ASIC2: variants seen among roughly 807,000 people sequenced by gnomAD.
ASIC2 encodes the protein acid sensing ion channel subunit 2, also known as acid-sensing ion channel 2.
Under a neutral mutation model 57.3 loss-of-function variants are expected in ASIC2, and 25 were observed. That is an observed-to-expected ratio of 0.44 (90% CI 0.32 to 0.61). The LOEUF is 0.61. Ranked by LOEUF, ASIC2 falls within the 20% of genes least tolerant of loss-of-function variation. The pLI is 0.06. For synonymous variants in ASIC2, 319 were observed against 307.5 expected (o/e 1.04, Z -0.39); for missense variants, 641 against 738.1 (o/e 0.87, Z 1.52).
chr17:33,529,158 A>AT (rs1416527800), intron 1 of ASIC2, among the ~76,000 whole-genome samples: 2 of 152,210 alleles, frequency 1.3e-5, no homozygotes, highest in Non-Finnish European at 2.9e-5. Flanking sequence ...TTTGGACTAA[A>AT]TTTTTAAGAC....
At chr17:33,869,864 T>A (rs192111296) in intron 1 of ASIC2, among the ~76,000 whole-genome samples, 255 of 152,368 alleles carry the variant, frequency 1.7e-3, no homozygotes, top group African/African-American at 5.9e-3. Flanking sequence ...CATTGCACTG[T>A]GCACTTTAAA....
At chr17:33,864,994 G>A (rs11870665) in intron 1 of ASIC2, among the ~76,000 whole-genome samples, 4,447 of 151,802 alleles carry the variant, frequency 0.029, 200 homozygotes, top group African/African-American at 0.1. Context: ...AGGGTGGGGG[G>A]TTGAGGGGAG....
At chr17:33,353,810 A>C (rs1235522912) in intron 1 of ASIC2, among the ~76,000 whole-genome samples, 2 of 152,096 alleles carry the variant, frequency 1.3e-5, no homozygotes, top group Admixed American at 6.5e-5. Flanking sequence ...TTCATCTTTA[A>C]ATACATGTTC....
At chr17:33,206,023 T>C (rs1397034954) in intron 1 of ASIC2, among the ~76,000 whole-genome samples, 1 of 152,174 alleles carries the variant, frequency 6.6e-6, no homozygotes, top group Non-Finnish European at 1.5e-5. Flanking sequence ...AGGGTCAGGA[T>C]GGGAGATGAG....
chr17:33,336,566 CCT>C (rs1907521013), intron 1 of ASIC2, among the ~76,000 whole-genome samples: 1 of 152,140 alleles, frequency 6.6e-6, no homozygotes, highest in Non-Finnish European at 1.5e-5. Flanking sequence ...TCCCCAGTCC[CCT>C]GTTGATCCTC....
At chr17:33,937,775 T>C (rs1916099881) in intron 1 of ASIC2, among the ~76,000 whole-genome samples, 1 of 152,218 alleles carries the variant, frequency 6.6e-6, no homozygotes. Context: ...GATATTTAAT[T>C]CATTGAGAGT....
intron 3 of ASIC2, among the ~76,000 whole-genome samples, chr17:33,063,021 C>G (rs1355961882): frequency 6.6e-6 from 1 of 152,156 alleles, no homozygotes; most frequent in Non-Finnish European, 1.5e-5. Flanking sequence ...CTTGGCAGAT[C>G]TTTCTCCATC....
At chr17:33,507,089 T>G (rs1455260608) in intron 1 of ASIC2, among the ~76,000 whole-genome samples, 1 of 152,204 alleles carries the variant, frequency 6.6e-6, no homozygotes, top group Admixed American at 6.5e-5. Flanking sequence ...CGGCACATCC[T>G]CTTCTGCCAC....
In ASIC2 at chr17:33,756,057, C is replaced by G. The variant is rs181067937; in HGVS notation, c.555+399921G>C. On this transcript the variant is annotated intron_variant, in intron 1 of 9. Transcript: ENST00000359872. ...AGCCGGCAGCTCTGCTTCCCGTTTTCCCTGTAATTGAACATTGCACCCCAA... is the reference window on the plus strand; with the variant it reads ...AGCCGGCAGCTCTGCTTCCCGTTTTGCCTGTAATTGAACATTGCACCCCAA... Among the ~76,000 whole-genome samples the G allele has an allele frequency of 3.9e-5, 6 of 152,346 alleles. No individual in the cohort carries two copies. In the East Asian group the frequency reaches 1.2e-3, roughly 29 times the overall value.
intron 1 of ASIC2, among the ~76,000 whole-genome samples, chr17:33,475,493 T>A (rs1913190551): frequency 6.6e-6 from 1 of 152,200 alleles, no homozygotes; most frequent in Non-Finnish European, 1.5e-5. Flanking sequence ...AAATCTTGCT[T>A]TTTGCACTCA....
chr17:33,637,693 C>T, intron 1 of ASIC2, among the ~76,000 whole-genome samples: 1 of 152,196 alleles, frequency 6.6e-6, no homozygotes, highest in African/African-American at 2.4e-5. Context: ...GAAGGAAGGG[C>T]AAACCACATC....
At chr17:33,614,399 G>A (rs923376013) in intron 1 of ASIC2, among the ~76,000 whole-genome samples, 1 of 152,172 alleles carries the variant, frequency 6.6e-6, no homozygotes. Flanking sequence ...GGGTTGGGCT[G>A]TACCAAGGTC....
chr17:33,870,224 G>GTTTTTTT lies in ASIC2; in HGVS notation c.555+285747_555+285753dup, dbSNP rs869267956. Among the ~76,000 whole-genome samples, 143 of 50,130 alleles carry GTTTTTTT rather than the reference G, an allele frequency of 2.9e-3. 5 individuals are homozygous for GTTTTTTT. Among genetic ancestry groups the GTTTTTTT allele is most frequent in the East Asian group, 4.1e-3 (5 of 1,216 alleles). 32.9% of individuals were successfully genotyped at this position (50,130 alleles called of 152,430 possible). A position where few individuals can be genotyped will look rare whatever the true frequency, so the allele number is the denominator to read the frequency against. ...CTTGTGGGCTGTGATGAGAAATTCT[G>GTTTTTTT]TTTTTTTTTTTTTTTTTTTTTTTTT... On this transcript the variant is annotated intron_variant, in intron 1 of 9. Coordinates refer to the ASIC2 transcript ENST00000359872.
intron 1 of ASIC2, among the ~76,000 whole-genome samples, chr17:33,483,331 T>A (rs1056177836): frequency 6.6e-6 from 1 of 152,280 alleles, no homozygotes; most frequent in Non-Finnish European, 1.5e-5. Context: ...GGTCCCCCGA[T>A]ACAGCCACAC....
chr17:33,579,441 C>A (rs58670440), intron 1 of ASIC2, among the ~76,000 whole-genome samples: 12,010 of 152,010 alleles, frequency 0.079, 893 homozygotes, highest in African/African-American at 0.19. Context: ...ACTAGGGCTG[C>A]GGGGTACCCA....
At chr17:33,641,542 A>G (rs1350263362) in intron 1 of ASIC2, among the ~76,000 whole-genome samples, 2 of 152,228 alleles carry the variant, frequency 1.3e-5, no homozygotes, top group African/African-American at 2.4e-5. Context: ...AACTTGAACC[A>G]ACATTCCAGA....
At chr17:33,899,844 G>C (rs561019941) in intron 1 of ASIC2, among the ~76,000 whole-genome samples, 1 of 152,340 alleles carries the variant, frequency 6.6e-6, no homozygotes, top group Admixed American at 6.5e-5. Flanking sequence ...TAAGAGTGCA[G>C]GTTATAAGAT....
At chr17:33,091,440 T>C (rs1320813113) in intron 2 of ASIC2, among the ~76,000 whole-genome samples, 2 of 152,186 alleles carry the variant, frequency 1.3e-5, no homozygotes, top group Non-Finnish European at 2.9e-5. Context: ...TTTCGAGAGC[T>C]AGCTGAAGCC....
At chr17:33,079,266 C>T (rs2092102239) in intron 3 of ASIC2, among the ~76,000 whole-genome samples, 1 of 152,146 alleles carries the variant, frequency 6.6e-6, no homozygotes, top group African/African-American at 2.4e-5. Flanking sequence ...ATAATGTGTA[C>T]ATTTTATGCT....
Sources: gnomAD v4.1 joint callset for allele counts (sites outside exome capture counted in the v4.1 genomes callset) on GRCh38, gnomAD v4.1.1 for gene constraint, MANE v1.5 for transcripts, NCBI Gene and HGNC (gene_info 2026-07-23, HGNC 2026-07-21) for gene names.